Variants in MAP2 observed in about 807,000 individuals in gnomAD.
MAP2 encodes the protein microtubule-associated protein 2.
Under a neutral mutation model 137.6 loss-of-function variants are expected in MAP2, and 14 were observed. The ratio of observed to expected loss-of-function variants is 0.10; its 90% confidence interval spans 0.07 to 0.16. The LOEUF is 0.16. Among genes scored for constraint, MAP2 ranks in the 10% least tolerant of loss-of-function variants. MAP2 has a pLI of 1.00. For synonymous variants in MAP2, 786 were observed against 782.3 expected (o/e 1.00, Z -0.08); for missense variants, 2,088 against 2,191.5 (o/e 0.95, Z 0.94).
At chr2:209,494,430 A>C (rs2150030947) in intron 1 of MAP2, among the ~76,000 whole-genome samples, 1 of 149,964 alleles carries the variant, frequency 6.7e-6, no homozygotes, top group Non-Finnish European at 1.5e-5. Context: ...TTAAAGTATA[A>C]TTAAAAAAAA....
At chr2:209,665,333 AT>A (rs1407060047) in intron 5 of MAP2, among the ~76,000 whole-genome samples, 1 of 152,234 alleles carries the variant, frequency 6.6e-6, no homozygotes, top group African/African-American at 2.4e-5. Context: ...AAATACATAG[AT>A]ACAGAAAAAT....
At chr2:209,517,456 G>A (rs2062675142) in intron 2 of MAP2, among the ~76,000 whole-genome samples, 1 of 152,080 alleles carries the variant, frequency 6.6e-6, no homozygotes, top group Non-Finnish European at 1.5e-5. Flanking sequence ...GGCATAAAAA[G>A]TGTTTGAAAC....
chr2:209,503,676 G>A lies in MAP2; in HGVS notation c.-221-3916G>A, dbSNP rs766180221. The stretch of plus-strand genomic sequence containing the variant: ...TATTGAAGAGACTATCCTTTCAATG[G>A]AAGTAATGTAAGACAAGGATGGGAT... On this transcript the variant is annotated intron_variant, in intron 1 of 15. Transcript: ENST00000682079. Among the ~76,000 whole-genome samples the A allele has an allele frequency of 3.9e-4, 60 of 152,152 alleles. 1 individual carries two copies. The highest frequency in any genetic ancestry group is 1.0e-3 in the South Asian group (5 of 4,820).
chr2:209,694,043 G>C lies in MAP2; in HGVS notation c.1873G>C (p.Glu625Gln). ...TGACAAGGAGTTTCAAACAGGAAAA[G>C]AATCCCAGCCCAGTCCTCCAGCACA... The part of the protein sequence containing the change: ...NGDKEFQTGK[E>Q]SQPSPPAQEA... The change falls in exon 8 of 16, where the codon GAA becomes CAA. Residue 625 changes from glutamate (E) to glutamine (Q), a missense_variant. Around this residue, in one of 6 missense-constraint regions of MAP2, gnomAD observed 859 missense variants for 794.5 expected, o/e 1.08. Coordinates refer to ENST00000682079, the MANE Select transcript of MAP2 (RefSeq NM_001375505.1). 2 of 1,613,632 alleles carry C rather than the reference G, an allele frequency of 1.2e-6. No individual in the cohort carries two copies. Among genetic ancestry groups the C allele is most frequent in the Non-Finnish European group, 1.7e-6 (2 of 1,179,856 alleles).
At chr2:209,594,134 G>A (rs2080553077) in intron 3 of MAP2, among the ~76,000 whole-genome samples, 1 of 81,444 alleles carries the variant, frequency 1.2e-5, no homozygotes, top group African/African-American at 4.4e-5. Flanking sequence ...GGTAACAGAT[G>A]AAAAAAAAAA....
intron 1 of MAP2, among the ~76,000 whole-genome samples, chr2:209,427,840 G>C (rs1174044395): frequency 6.6e-6 from 1 of 151,982 alleles, no homozygotes; most frequent in Non-Finnish European, 1.5e-5. Flanking sequence ...TTGGGTGGGT[G>C]GGTAGGTGGG....
chr2:209,697,154 A>G (rs1175217038), intron 10 of MAP2, 103 bp downstream of exon 10: 1 of 1,215,630 alleles, frequency 8.2e-7, no homozygotes, highest in Non-Finnish European at 1.1e-6. Context: ...TCTTCCAAGA[A>G]TCTCAGCAGT....
At chr2:209,524,146 G>T (rs2150436427) in intron 2 of MAP2, among the ~76,000 whole-genome samples, 1 of 152,112 alleles carries the variant, frequency 6.6e-6, no homozygotes, top group South Asian at 2.1e-4. Context: ...AGAAAGGTTG[G>T]CATGGAAACC....
intron 1 of MAP2, among the ~76,000 whole-genome samples, chr2:209,490,604 G>GAAAAAAA (rs2058966518): frequency 1.2e-3 from 2 of 1,684 alleles, no homozygotes; most frequent in Non-Finnish European, 1.1e-3. Context: ...CAAATGGAAA[G>GAAAAAAA]CAAAAAAAAA....
chr2:209,503,673 A>G (rs760620965), intron 1 of MAP2, among the ~76,000 whole-genome samples: 6 of 152,112 alleles, frequency 3.9e-5, no homozygotes, highest in African/African-American at 7.2e-5. Context: ...TATCCTTTCA[A>G]TGGAAGTAAT....
intron 2 of MAP2, among the ~76,000 whole-genome samples, chr2:209,509,175 C>T (rs1030644716): frequency 1.3e-5 from 2 of 151,724 alleles, no homozygotes; most frequent in African/African-American, 4.8e-5. Flanking sequence ...AATTTGCAAT[C>T]TCATCTTGCT....
intron 4 of MAP2, among the ~76,000 whole-genome samples, chr2:209,628,868 A>G (rs2092690110): frequency 6.6e-6 from 1 of 152,314 alleles, no homozygotes; most frequent in Non-Finnish European, 1.5e-5. Context: ...ATGACTAGGT[A>G]TGCAAGGGTT....
intron 13 of MAP2, chr2:209,723,740 A>G (rs767708213): frequency 1.7e-4 from 209 of 1,199,482 alleles, no homozygotes; most frequent in Non-Finnish European, 2.5e-4. Flanking sequence ...AGCCACCTGC[A>G]CAGCCAGCAC....
intron 1 of MAP2, among the ~76,000 whole-genome samples, chr2:209,499,304 A>G (rs1385485682): frequency 6.6e-6 from 1 of 152,162 alleles, no homozygotes; most frequent in Non-Finnish European, 1.5e-5. Flanking sequence ...CCTTTGCCCC[A>G]GTTCCCAGTA....
chr2:209,434,837 A>C (rs78419985), intron 1 of MAP2, among the ~76,000 whole-genome samples: 57,570 of 101,882 alleles, frequency 0.57, 15,292 homozygotes, highest in East Asian at 0.78. Context: ...CTCTCTCTAT[A>C]TATATATATA....
At chr2:209,662,580 A>G (rs2044165234) in intron 5 of MAP2, among the ~76,000 whole-genome samples, 1 of 152,042 alleles carries the variant, frequency 6.6e-6, no homozygotes, top group African/African-American at 2.4e-5. Flanking sequence ...CTCCTCTAAT[A>G]TGCTGTCATG....
At chr2:209,456,576 G>A (rs1701588748) in intron 1 of MAP2, among the ~76,000 whole-genome samples, 1 of 152,178 alleles carries the variant, frequency 6.6e-6, no homozygotes, top group Non-Finnish European at 1.5e-5. Context: ...TACAGACCAT[G>A]TGGGAGGGAG....
chr2:209,657,563 G>C (rs1276505351), intron 5 of MAP2, among the ~76,000 whole-genome samples: 1 of 151,912 alleles, frequency 6.6e-6, no homozygotes, highest in Middle Eastern at 3.2e-3. Context: ...TACCTATTTG[G>C]CCATTTGTGC....
intron 5 of MAP2, among the ~76,000 whole-genome samples, chr2:209,653,829 C>T (rs144661481): frequency 1.4e-3 from 208 of 152,166 alleles, no homozygotes; most frequent in African/African-American, 4.3e-3. Flanking sequence ...AAGCAAAATA[C>T]GTAAATACAT....
Sources: allele counts gnomAD v4.1 joint callset (sites outside exome capture counted in the v4.1 genomes callset), GRCh38; gene constraint gnomAD v4.1.1; regional missense constraint gnomAD v4.1.1; transcripts MANE v1.5; gene names NCBI Gene and HGNC (gene_info 2026-07-23, HGNC 2026-07-21).